SLC35F4: variants seen among roughly 807,000 people sequenced by gnomAD.
SLC35F4 encodes the protein solute carrier family 35 member F4, also known as chromosome 14 open reading frame 36.
Under a neutral mutation model 44.2 loss-of-function variants are expected in SLC35F4, and 24 were observed. The observed-to-expected ratio is 0.54, with a 90% CI of 0.39 to 0.76. The LOEUF is 0.76. Among genes scored for constraint, SLC35F4 ranks in the 30% least tolerant of loss-of-function variants. The pLI, the probability that SLC35F4 is intolerant of heterozygous loss-of-function variation, is 0.00. For missense variants in SLC35F4, 562 were observed against 586.1 expected (o/e 0.96, Z 0.42); for synonymous variants, 238 against 223.6 (o/e 1.06, Z -0.57).
Position 57,947,621 on chromosome 14 carries a change from C to G in SLC35F4, n.282+34292G>C, listed in dbSNP as rs1487747206. On this transcript the variant is annotated intron_variant and non_coding_transcript_variant, in intron 1 of 1. Coordinates refer to the SLC35F4 transcript ENST00000556568. ...ACTTGTTCCAGTTCTTGGGGGAATGCCTTCAACATTTCCTCATTCGGTGTT... is the reference window on the plus strand; with the variant it reads ...ACTTGTTCCAGTTCTTGGGGGAATGGCTTCAACATTTCCTCATTCGGTGTT... Among the ~76,000 whole-genome samples the G allele has an allele frequency of 3.9e-5, 6 of 152,190 alleles. No individual in the cohort carries two copies. The East Asian group carries it at 7.7e-4, about 20-fold the overall frequency.
At chr14:57,625,531 A>C (rs1221123118) in intron 1 of SLC35F4, among the ~76,000 whole-genome samples, 1 of 152,226 alleles carries the variant, frequency 6.6e-6, no homozygotes, top group Non-Finnish European at 1.5e-5. Flanking sequence ...TGGAGGCGTC[A>C]TGCTACCTGA....
At chr14:57,954,733 C>A (rs1405455814) in intron 1 of SLC35F4, among the ~76,000 whole-genome samples, 1 of 151,720 alleles carries the variant, frequency 6.6e-6, no homozygotes, top group Non-Finnish European at 1.5e-5. Flanking sequence ...AGGATGAAGT[C>A]GAATCTCTGA....
chr14:57,769,373 G>C (rs1377138830), intron 1 of SLC35F4, among the ~76,000 whole-genome samples: 1 of 151,850 alleles, frequency 6.6e-6, no homozygotes, highest in Non-Finnish European at 1.5e-5. Context: ...TGCAAAACCA[G>C]GTGAATTTAT....
intron 1 of SLC35F4, among the ~76,000 whole-genome samples, chr14:57,903,101 A>G (rs768451990): frequency 2.0e-5 from 3 of 152,198 alleles, no homozygotes; most frequent in Admixed American, 6.5e-5. Flanking sequence ...GTTTGCTGCA[A>G]TGTGTTGAGC....
chr14:57,895,739 A>G (rs747469764), intron 1 of SLC35F4, among the ~76,000 whole-genome samples: 5 of 150,710 alleles, frequency 3.3e-5, no homozygotes, highest in Middle Eastern at 3.4e-3. Context: ...CTATGAGTCA[A>G]TTACACCTCT....
intron 1 of SLC35F4, among the ~76,000 whole-genome samples, chr14:57,702,788 T>C (rs1013413889): frequency 6.6e-6 from 1 of 152,186 alleles, no homozygotes; most frequent in Non-Finnish European, 1.5e-5. Flanking sequence ...CGTGAGCTGA[T>C]TCAGTCTAAT....
chr14:57,874,885 G>T (rs1387457440), intron 1 of SLC35F4, among the ~76,000 whole-genome samples: 1 of 152,064 alleles, frequency 6.6e-6, no homozygotes, highest in South Asian at 2.1e-4. Context: ...CAAAGTTTGT[G>T]TGAGTTATGT....
intron 1 of SLC35F4, chr14:57,630,701 A>T (rs2072726162): frequency 1.7e-6 from 1 of 579,182 alleles, no homozygotes. Flanking sequence ...AGTATAAACC[A>T]TGATCATTTT....
upstream of SLC35F4, among the ~76,000 whole-genome samples, chr14:57,869,165 T>C (rs895672561): frequency 1.3e-5 from 2 of 152,070 alleles, no homozygotes; most frequent in African/African-American, 4.8e-5. Flanking sequence ...TTTATACTAA[T>C]TGAGTATACA....
intron 1 of SLC35F4, among the ~76,000 whole-genome samples, chr14:57,678,564 C>T (rs2074778688): frequency 6.6e-6 from 1 of 151,902 alleles, no homozygotes; most frequent in Non-Finnish European, 1.5e-5. Context: ...AATTAAAAGA[C>T]ACAGACCCAC....
intron 1 of SLC35F4, among the ~76,000 whole-genome samples, chr14:57,881,830 A>G (rs1566920516): frequency 1.3e-5 from 2 of 152,210 alleles, no homozygotes; most frequent in Non-Finnish European, 2.9e-5. Context: ...AAGCTTAATC[A>G]AATATATAAC....
intron 1 of SLC35F4, among the ~76,000 whole-genome samples, chr14:57,667,088 CAG>C (rs1005614155): frequency 6.6e-5 from 10 of 151,466 alleles, no homozygotes; most frequent in Non-Finnish European, 1.5e-5. Flanking sequence ...CCTAGGCAGA[CAG>C]AGGAGAGAAG....
chr14:57,744,062 T>A (rs577147798), intron 1 of SLC35F4, among the ~76,000 whole-genome samples: 2 of 152,182 alleles, frequency 1.3e-5, no homozygotes, highest in Non-Finnish European at 2.9e-5. Context: ...AATTAGGTAT[T>A]GATGGGACGT....
chr14:57,582,731 T>G (rs2069376720), intron 3 of SLC35F4, among the ~76,000 whole-genome samples: 1 of 152,220 alleles, frequency 6.6e-6, no homozygotes, highest in Non-Finnish European at 1.5e-5. Flanking sequence ...TAATGAAATC[T>G]ATTTACAGGA....
intron 1 of SLC35F4, chr14:57,630,401 T>A: frequency 1.5e-6 from 1 of 667,876 alleles, no homozygotes. Flanking sequence ...ATTCAAACAC[T>A]GAAATTAATC....
At chr14:57,906,647 T>G (rs1889108122) in intron 1 of SLC35F4, among the ~76,000 whole-genome samples, 1 of 152,220 alleles carries the variant, frequency 6.6e-6, no homozygotes, top group Non-Finnish European at 1.5e-5. Flanking sequence ...AAATGTTGCC[T>G]TACTGAAAAG....
intron 1 of SLC35F4, among the ~76,000 whole-genome samples, chr14:57,853,554 G>C (rs1047920403): frequency 3.5e-4 from 54 of 152,266 alleles, no homozygotes; most frequent in African/African-American, 1.2e-3. Flanking sequence ...TCAAGAGTGT[G>C]CATGTGATAT....
intron 1 of SLC35F4, among the ~76,000 whole-genome samples, chr14:57,696,867 A>G (rs1367246247): frequency 2.0e-5 from 3 of 152,178 alleles, no homozygotes; most frequent in African/African-American, 7.2e-5. Context: ...GAACTGAACA[A>G]TGAGAACACA....
In SLC35F4 at chr14:57,589,407, G is replaced by A. The variant is rs770561754; in HGVS notation, c.396C>T (p.Leu132=). The change falls in exon 3 of 8, where the codon CTC becomes CTT. Residue 132 remains leucine (L), a synonymous_variant. Transcript: ENST00000556826. ...ATGATGATACTGACAAGATGATCAA[G>A]AGTCCCCAGATGCCCTTCAGAACCA... ...TSMVLKGIWG[L]LIILSVSSSW... The A allele has an allele frequency of 4.3e-6, 7 of 1,613,856 alleles. No individual in the cohort carries two copies. The African/African-American group carries it at 9.3e-5, about 22-fold the overall frequency.
Sources: allele counts gnomAD v4.1 joint callset (sites outside exome capture counted in the v4.1 genomes callset), GRCh38; gene constraint gnomAD v4.1.1; transcripts MANE v1.5; gene names NCBI Gene and HGNC (gene_info 2026-07-23, HGNC 2026-07-21).